The following SCML4 variants were observed in gnomAD, a reference collection of about 807,000 sequenced individuals.
SCML4 encodes the protein Scm polycomb group protein like 4, also known as sex comb on midleg-like protein 4.
SCML4 carries 34 observed loss-of-function variants against 41.1 expected under a neutral mutation model. The ratio of observed to expected loss-of-function variants is 0.83; its 90% CI spans 0.63 to 1.10. The LOEUF is 1.10. SCML4 is among the 50% of genes least tolerant of loss of function. The pLI, the probability that SCML4 is intolerant of heterozygous loss-of-function variation, is 0.00. For missense variants in SCML4, 522 were observed against 534.1 expected, an observed-to-expected ratio of 0.98 and a Z score of 0.22; for synonymous variants, 214 against 220.9, an observed-to-expected ratio of 0.97 and a Z score of 0.28.
At chr6:107,830,897 T>G in the SCML4 span, among the ~76,000 whole-genome samples, 1 of 152,176 alleles carries the variant, frequency 6.6e-6, no homozygotes, top group East Asian at 1.9e-4. Context: ...AAGCACTAGG[T>G]TTCTCTTTCC....
chr6:107,711,998 G>A (rs536431052), intron 6 of SCML4, among the ~76,000 whole-genome samples: 2 of 152,212 alleles, frequency 1.3e-5, no homozygotes, highest in East Asian at 3.9e-4. Context: ...CTTCCTTGTG[G>A]GACCTGGAAG....
At chr6:107,814,704 CACCACACTCGGCTAATTTTTGTATTTT>C (rs1784438229) in intron 1 of SCML4, among the ~76,000 whole-genome samples, 1 of 152,166 alleles carries the variant, frequency 6.6e-6, no homozygotes, top group African/African-American at 2.4e-5. Context: ...AGGTGTGTGC[CACCACACTCGGCTAATTTTTGTATTTT>C]TAGTAGAGAC....
chr6:107,825,736 C>T (rs912835201), upstream of SCML4, among the ~76,000 whole-genome samples: 1 of 149,444 alleles, frequency 6.7e-6, no homozygotes, highest in Non-Finnish European at 1.5e-5. Context: ...GTCAGGAGAT[C>T]GAGACCATCC....
chr6:107,770,028 T>TA (rs1780391654), intron 2 of SCML4, among the ~76,000 whole-genome samples: 3 of 152,154 alleles, frequency 2.0e-5, no homozygotes, highest in South Asian at 4.2e-4. Flanking sequence ...CCCAGAGAGT[T>TA]AAAATCATCA....
intron 1 of SCML4, among the ~76,000 whole-genome samples, chr6:107,807,476 A>T (rs1783826917): frequency 6.6e-6 from 1 of 152,192 alleles, no homozygotes; most frequent in Non-Finnish European, 1.5e-5. Context: ...CTGCCACAGC[A>T]CAGAGTTATT....
the SCML4 span, among the ~76,000 whole-genome samples, chr6:107,833,630 T>C: frequency 6.6e-5 from 10 of 152,278 alleles, no homozygotes; most frequent in African/African-American, 2.4e-4. Context: ...CCAGAGAGTT[T>C]GGAGGACTCT....
At chr6:107,721,417 T>C (rs1173764154) in intron 5 of SCML4, among the ~76,000 whole-genome samples, 1 of 151,730 alleles carries the variant, frequency 6.6e-6, no homozygotes, top group Non-Finnish European at 1.5e-5. Flanking sequence ...TACAAAAAAT[T>C]AGCCGGATGT....
intron 1 of SCML4, among the ~76,000 whole-genome samples, chr6:107,813,381 T>A (rs1230742237): frequency 0.043 from 570 of 13,126 alleles, 27 homozygotes; most frequent in East Asian, 0.18. Flanking sequence ...TATATATATA[T>A]ATATATATAT....
chr6:107,803,514 C>T (rs1368544928), intron 1 of SCML4, among the ~76,000 whole-genome samples: 1 of 149,668 alleles, frequency 6.7e-6, no homozygotes, highest in Admixed American at 6.6e-5. Flanking sequence ...AAGTGAGGAG[C>T]CCCTCTGCCC....
At chr6:107,743,314 A>G (rs1583464779) in intron 5 of SCML4, among the ~76,000 whole-genome samples, 1 of 152,200 alleles carries the variant, frequency 6.6e-6, no homozygotes, top group Non-Finnish European at 1.5e-5. Flanking sequence ...TCTGAATTTC[A>G]TCCGTAGTCA....
chr6:107,723,031 A>G (rs1211916019), intron 5 of SCML4, among the ~76,000 whole-genome samples: 2 of 152,178 alleles, frequency 1.3e-5, no homozygotes, highest in Admixed American at 1.3e-4. Flanking sequence ...CTTTAGCTAC[A>G]TTGACAAAAA....
intron 1 of SCML4, among the ~76,000 whole-genome samples, chr6:107,813,838 G>A (rs1365396677): frequency 6.6e-6 from 1 of 152,208 alleles, no homozygotes; most frequent in Admixed American, 6.5e-5. Context: ...GGGTGGCTGG[G>A]ACTTGGTGGT....
At chr6:107,837,462 C>A in the SCML4 span, among the ~76,000 whole-genome samples, 19 of 152,286 alleles carry the variant, frequency 1.2e-4, no homozygotes, top group East Asian at 3.5e-3. Flanking sequence ...AATCACTTCA[C>A]CTTCACCTCG....
the SCML4 span, among the ~76,000 whole-genome samples, chr6:107,841,038 C>T: frequency 6.6e-6 from 1 of 152,048 alleles, no homozygotes; most frequent in Non-Finnish European, 1.5e-5. Flanking sequence ...AACATCTCTC[C>T]CCACCTACCT....
chr6:107,747,661 A>G (rs1411363390), intron 3 of SCML4, among the ~76,000 whole-genome samples: 6 of 151,360 alleles, frequency 4.0e-5, no homozygotes, highest in Non-Finnish European at 8.8e-5. Context: ...ATGTCTACAA[A>G]ACTGGTTTTC....
In SCML4 at chr6:107,804,285, A is replaced by T. The variant is rs145779466; in HGVS notation, c.-60+19841T>A. 2.7e-3 allele frequency among the ~76,000 whole-genome samples: 403 copies of T among 151,584 alleles called. 1 individual carries two copies. Among genetic ancestry groups the T allele is most frequent in the African/African-American group, 9.2e-3 (376 of 40,988 alleles). ...TGCACAACTTGTACAACTCAAAAAT[A>T]TAATTAAAGAAAAAGGTCTGCTACA... On this transcript the variant is annotated intron_variant, in intron 1 of 7. Transcript: ENST00000369020.
At chr6:107,722,455 CCTGT>C (rs1266773674) in intron 5 of SCML4, among the ~76,000 whole-genome samples, 1 of 152,070 alleles carries the variant, frequency 6.6e-6, no homozygotes, top group Non-Finnish European at 1.5e-5. Context: ...ATCATGTCTA[CCTGT>C]CCCCAGCAAT....
chr6:107,746,771 G>C lies in SCML4; in HGVS notation c.405C>G (p.Val135=). 6.2e-7 allele frequency: 1 copy of C among 1,613,936 alleles called. No individual in the cohort carries two copies. Among genetic ancestry groups the C allele is most frequent in the Non-Finnish European group, 8.5e-7 (1 of 1,180,006 alleles). ...ERPSAVLQQA[V]QACIDCAHQQ... The stretch of plus-strand genomic sequence containing the variant: ...GGTGGGCGCAGTCGATGCAGGCTTG[G>C]ACGGCCTGCTGCAGCACCGCCGATG... Residue 135 remains valine, a synonymous_variant, in exon 4 of 8, where the codon GTC becomes GTG. Coordinates refer to ENST00000369020, the MANE Select transcript of SCML4 (RefSeq NM_198081.5).
intron 2 of SCML4, among the ~76,000 whole-genome samples, chr6:107,752,794 G>A (rs181869533): frequency 9.8e-5 from 15 of 152,292 alleles, no homozygotes; most frequent in South Asian, 2.1e-4. Context: ...AATGGCCAGC[G>A]GGGGTGGGGA....
Sources: gnomAD v4.1 joint callset for allele counts (sites outside exome capture counted in the v4.1 genomes callset) on GRCh38, gnomAD v4.1.1 for gene constraint, MANE v1.5 for transcripts, NCBI Gene and HGNC (gene_info 2026-07-23, HGNC 2026-07-21) for gene names.